Variants in MYO5A observed in about 807,000 individuals in gnomAD.
MYO5A encodes myosin VA.
MYO5A carries 98 observed loss-of-function variants against 249.7 expected under a neutral mutation model. The ratio of observed to expected loss-of-function variants is 0.39; its 90% CI spans 0.33 to 0.46. The LOEUF is 0.46. MYO5A is among the 20% of genes least tolerant of loss of function. MYO5A has a pLI of 0.98. For synonymous variants in MYO5A, 778 were observed against 810.6 expected (o/e 0.96, Z 0.68); for missense variants, 1,696 against 2,308.8 (o/e 0.73, Z 5.44).
At chr15:52,432,327 A>C (rs1302036500) in intron 2 of MYO5A, among the ~76,000 whole-genome samples, 1 of 152,280 alleles carries the variant, frequency 6.6e-6, no homozygotes, top group Non-Finnish European at 1.5e-5. Flanking sequence ...GCCTCAAAGC[A>C]TCTGCCCCAA....
At chr15:52,327,532 A>AC (rs2038667759) in intron 36 of MYO5A, among the ~76,000 whole-genome samples, 1 of 152,098 alleles carries the variant, frequency 6.6e-6, no homozygotes, top group South Asian at 2.1e-4. Flanking sequence ...ACATAGTGAG[A>AC]CCCTGTCTCT....
rs968661179 is a variant in MYO5A at position 52,316,987 on chromosome 15, T to C, written c.5409+61A>G. Reference sequence around the variant, plus strand: ...AGCAATAAGTAGAGGACTTCTTTACTTCCCTAAAGATCATCTTTGATGAAT... The same window carrying C: ...AGCAATAAGTAGAGGACTTCTTTACCTCCCTAAAGATCATCTTTGATGAAT... On this transcript the variant is annotated intron_variant, in intron 40 of 41. Coordinates refer to ENST00000399233, the MANE Select transcript of MYO5A (RefSeq NM_001382347.1). 5.2e-6 allele frequency: 8 copies of C among 1,536,168 alleles called. No homozygotes were observed. The Admixed American group carries it at 8.4e-5, about 16-fold the overall frequency.
chr15:52,405,036 T>TTCTC (rs750736936), intron 9 of MYO5A, among the ~76,000 whole-genome samples: 57 of 97,222 alleles, frequency 5.9e-4, no homozygotes, highest in African/African-American at 1.9e-3. Flanking sequence ...CCCTCTCTCT[T>TTCTC]TCTCTCTCTC....
At chr15:52,402,701 C>T (rs1460308071) in intron 9 of MYO5A, among the ~76,000 whole-genome samples, 1 of 151,976 alleles carries the variant, frequency 6.6e-6, no homozygotes, top group Non-Finnish European at 1.5e-5. Context: ...AAAAATTAGC[C>T]AGACACAGTG....
intron 1 of MYO5A, chr15:52,505,598 T>A: frequency 6.9e-7 from 1 of 1,441,770 alleles, no homozygotes; most frequent in Non-Finnish European, 9.8e-7. Flanking sequence ...CCTGCACTTG[T>A]TTCCAAGTCT....
At chr15:52,316,331 TGCTTC>T (rs2038015266) in intron 40 of MYO5A, among the ~76,000 whole-genome samples, 1 of 152,036 alleles carries the variant, frequency 6.6e-6, no homozygotes, top group Admixed American at 6.5e-5. Context: ...GCCTGTGCCT[TGCTTC>T]ATGCTGTCAC....
intron 40 of MYO5A, among the ~76,000 whole-genome samples, chr15:52,316,706 C>G (rs575562287): frequency 2.1e-4 from 32 of 152,260 alleles, no homozygotes; most frequent in African/African-American, 7.7e-4. Context: ...AGATAGAAAG[C>G]TATTTTATGG....
intron 1 of MYO5A, among the ~76,000 whole-genome samples, chr15:52,464,518 T>C (rs1213448997): frequency 6.6e-6 from 1 of 152,264 alleles, no homozygotes; most frequent in African/African-American, 2.4e-5. Context: ...GTTTTGGTTA[T>C]GTGGGATTCT....
At position 52,375,378 on chromosome 15, in the gene MYO5A, T is replaced by C. The variant is rs2041355519; in HGVS notation, c.2503A>G (p.Lys835Glu). The C allele has an allele frequency of 6.2e-7, 1 of 1,614,166 alleles. No homozygotes were observed. The highest frequency in any genetic ancestry group is 8.5e-7 in the Non-Finnish European group (1 of 1,180,002). ...WRMYVVRRRY[K>E]IRRAATIVLQ... ...ACGATAGTGGCAGCTCGTCTAATCTTGTACCTCCTGCGGACCACATACATG... is the reference window on the plus strand; with the variant it reads ...ACGATAGTGGCAGCTCGTCTAATCTCGTACCTCCTGCGGACCACATACATG... Residue 835 changes from lysine to glutamate, a missense_variant, in exon 20 of 42, where the codon AAG becomes GAG. By Grantham distance (56) the Lys-to-Glu change is moderately conservative (BLOSUM62 1). Coordinates refer to ENST00000399233, the MANE Select transcript of MYO5A (RefSeq NM_001382347.1).
At chr15:52,415,244 G>T (rs2043424080) in intron 5 of MYO5A, among the ~76,000 whole-genome samples, 2 of 152,188 alleles carry the variant, frequency 1.3e-5, no homozygotes, top group Non-Finnish European at 2.9e-5. Flanking sequence ...ATGCCGATTT[G>T]AATTTTTAAC....
intron 1 of MYO5A, among the ~76,000 whole-genome samples, chr15:52,523,974 A>G (rs763960720): frequency 2.1e-4 from 32 of 152,246 alleles, no homozygotes; most frequent in Non-Finnish European, 1.2e-4. Flanking sequence ...AGACAGTGCC[A>G]TAGAATATAA....
chr15:52,353,784 G>A, intron 26 of MYO5A, 87 bp downstream of exon 26: 1 of 1,605,178 alleles, frequency 6.2e-7, no homozygotes, highest in Non-Finnish European at 8.5e-7. Flanking sequence ...TGCTTGGATA[G>A]GCTGGGCTGA....
chr15:52,372,077 A>G, intron 21 of MYO5A, 47 bp downstream of exon 21: 1 of 1,612,362 alleles, frequency 6.2e-7, no homozygotes, highest in Non-Finnish European at 8.5e-7. Flanking sequence ...ATCCTGGTGG[A>G]TTTCTTCAGG....
chr15:52,337,705 T>C, intron 33 of MYO5A, 105 bp downstream of exon 33: 1 of 791,348 alleles, frequency 1.3e-6, no homozygotes. Context: ...CGTGAAAATT[T>C]TGAAGAGACT....
chr15:52,320,011 CA>C (rs1036809969), intron 38 of MYO5A, among the ~76,000 whole-genome samples: 2 of 152,090 alleles, frequency 1.3e-5, no homozygotes, highest in Admixed American at 1.3e-4. Context: ...GCCCCAGAGG[CA>C]AAAACAGTAA....
chr15:52,398,912 C>T (rs1385144086), intron 9 of MYO5A, among the ~76,000 whole-genome samples: 1 of 151,880 alleles, frequency 6.6e-6, no homozygotes, highest in African/African-American at 2.4e-5. Flanking sequence ...TTGCTTGAAC[C>T]TGGGAGGTGG....
Position 52,416,159 on chromosome 15 carries a change from T to G in MYO5A, c.598A>C (p.Asn200His). 6.2e-7 allele frequency: 1 copy of G among 1,614,068 alleles called. No individual in the cohort carries two copies. The highest frequency in any genetic ancestry group is 8.5e-7 in the Non-Finnish European group (1 of 1,179,956). Residue 200 changes from asparagine to histidine, a missense_variant, in exon 5 of 42, where the codon AAC becomes CAC. Physicochemically the swap from Asn to His is moderately conservative, Grantham distance 68 (BLOSUM62 1). This residue lies in a region of MYO5A where 197 missense variants were observed against 320.3 expected (regional missense o/e 0.62). Transcript: ENST00000399233. Reference sequence around the variant, plus strand: ...CGCTGTCTTACCTCCATGATGGGGTTGGAGGCCAAGACCTTTTCCTCCACA... The same window carrying G: ...CGCTGTCTTACCTCCATGATGGGGTGGGAGGCCAAGACCTTTTCCTCCACA... The part of the protein sequence containing the change: ...ANVEEKVLAS[N>H]PIMESIGNAK...
Position 52,387,826 on chromosome 15 carries a change from T to C in MYO5A, c.1752+3A>G. On this transcript the variant is annotated splice_donor_region_variant and intron_variant, in intron 14 of 41. Transcript: ENST00000399233. ...GGATTAGAGTAAGCCTATCCATAGT[T>C]ACCTTGCTTGATTTAAGAACTTTAA... The C allele has an allele frequency of 1.3e-6, 2 of 1,589,976 alleles. No homozygotes were observed. Among genetic ancestry groups the C allele is most frequent in the Non-Finnish European group, 1.7e-6 (2 of 1,158,492 alleles).
At chr15:52,464,114 TG>T in intron 1 of MYO5A, among the ~76,000 whole-genome samples, 1 of 152,198 alleles carries the variant, frequency 6.6e-6, no homozygotes, top group Non-Finnish European at 1.5e-5. Flanking sequence ...CTCAGAGAGT[TG>T]TGATGCAGAT....
Sources: gnomAD v4.1 joint callset for allele counts (sites outside exome capture counted in the v4.1 genomes callset) on GRCh38, gnomAD v4.1.1 for gene constraint, gnomAD v4.1.1 regional missense constraint, MANE v1.5 for transcripts, NCBI Gene and HGNC (gene_info 2026-07-23, HGNC 2026-07-21) for gene names.